Variants in FGF14 observed in about 807,000 individuals in gnomAD.
FGF14 encodes the protein fibroblast growth factor 14.
FGF14 carries 5 observed loss-of-function variants against 25.5 expected under a neutral mutation model. That is an observed-to-expected ratio of 0.20 (90% CI 0.10 to 0.41). FGF14 has a LOEUF of 0.41. FGF14 is among the 10% of genes least tolerant of loss of function. The pLI, the probability that FGF14 is intolerant of heterozygous loss-of-function variation, is 1.00. For synonymous variants in FGF14, 138 were observed against 118.3 expected (o/e 1.17, Z -1.08); for missense variants, 222 against 320.1 (o/e 0.69, Z 2.34).
At chr13:102,174,502 G>C (rs1342869141) in intron 1 of FGF14, among the ~76,000 whole-genome samples, 2 of 151,472 alleles carry the variant, frequency 1.3e-5, no homozygotes, top group African/African-American at 4.9e-5. Context: ...CTCAAACTGA[G>C]AACCAAATCA....
At chr13:102,235,206 T>C (rs1373102065) in intron 1 of FGF14, among the ~76,000 whole-genome samples, 1 of 152,248 alleles carries the variant, frequency 6.6e-6, no homozygotes, top group African/African-American at 2.4e-5. Context: ...GATCTATTTA[T>C]ATTTTTCTGT....
At chr13:102,200,875 G>A (rs1381539407) in intron 1 of FGF14, among the ~76,000 whole-genome samples, 1 of 151,928 alleles carries the variant, frequency 6.6e-6, no homozygotes, top group Non-Finnish European at 1.5e-5. Flanking sequence ...GGACAAGGCG[G>A]GCGGATCATG....
At chr13:101,805,590 G>T (rs2041150220) in intron 3 of FGF14, among the ~76,000 whole-genome samples, 1 of 152,134 alleles carries the variant, frequency 6.6e-6, no homozygotes, top group Non-Finnish European at 1.5e-5. Flanking sequence ...AGAAGTTAAA[G>T]ATTTGTATGC....
intron 1 of FGF14, among the ~76,000 whole-genome samples, chr13:102,163,396 C>T (rs1012319291): frequency 6.6e-6 from 1 of 152,120 alleles, no homozygotes; most frequent in Non-Finnish European, 1.5e-5. Flanking sequence ...CCAGCTGTGA[C>T]AGGCACCATA....
At chr13:102,145,254 A>C (rs2046807669) in intron 1 of FGF14, among the ~76,000 whole-genome samples, 1 of 152,150 alleles carries the variant, frequency 6.6e-6, no homozygotes, top group African/African-American at 2.4e-5. Context: ...GCAATGATTG[A>C]TTTAGAAATC....
At chr13:101,795,033 A>G (rs535824070) in intron 3 of FGF14, among the ~76,000 whole-genome samples, 32 of 152,160 alleles carry the variant, frequency 2.1e-4, no homozygotes, top group Non-Finnish European at 3.8e-4. Flanking sequence ...CATGTACATT[A>G]TTGTGTGCAA....
At position 102,326,729 on chromosome 13, in the gene FGF14, A is replaced by AGGAG. The variant is rs1566939090; in HGVS notation, c.208+74741_208+74742insCTCC. ...AAGGAAGGAAGGAAGGAAGGAAGGA[A>AGGAG]GGAAGGAAGGAAGGAAGGAAGGAAA... On this transcript the variant is annotated intron_variant, in intron 1 of 4. Transcript: ENST00000376131. 7.1e-5 allele frequency among the ~76,000 whole-genome samples: 8 copies of AGGAG among 112,240 alleles called. 1 individual carries two copies. The highest frequency in any genetic ancestry group is 1.3e-4 in the Non-Finnish European group (7 of 53,466). 73.6% of individuals were successfully genotyped at this position (112,240 alleles called of 152,430 possible).
chr13:101,739,004 G>A (rs1238837920), intron 3 of FGF14, among the ~76,000 whole-genome samples: 1 of 146,506 alleles, frequency 6.8e-6, no homozygotes, highest in Admixed American at 6.9e-5. Flanking sequence ...GTGTGTGTGT[G>A]TATATCTATC....
intron 1 of FGF14, among the ~76,000 whole-genome samples, chr13:102,145,263 T>C (rs1028585902): frequency 6.6e-6 from 1 of 152,150 alleles, no homozygotes; most frequent in Non-Finnish European, 1.5e-5. Flanking sequence ...GATTTAGAAA[T>C]CGGCATGAGA....
In FGF14 at chr13:101,985,227, T is replaced by C. The variant is rs888858229; in HGVS notation, c.209-109931A>G. ...TTTAACCCTGCATGGAAGCTTAAGG[T>C]ATGGAGGGAGCTGCCAATCCACTGG... is the stretch of plus-strand genomic sequence containing the variant. On this transcript the variant is annotated intron_variant, in intron 1 of 4. Transcript: ENST00000376131. Among the ~76,000 whole-genome samples the C allele has an allele frequency of 2.0e-5, 3 of 151,938 alleles. 1 individual carries two copies. The highest frequency in any genetic ancestry group is 2.1e-4 in the South Asian group (1 of 4,816).
At chr13:101,784,572 C>G (rs2140047846) in intron 3 of FGF14, among the ~76,000 whole-genome samples, 1 of 152,200 alleles carries the variant, frequency 6.6e-6, no homozygotes, top group African/African-American at 2.4e-5. Flanking sequence ...AGACTTTAGT[C>G]TTATGTAAAG....
intron 1 of FGF14, chr13:102,373,596 A>T (rs1363840519): frequency 6.6e-6 from 1 of 152,180 alleles, no homozygotes; most frequent in Non-Finnish European, 1.5e-5. Context: ...TTCAAAGAAG[A>T]TAATTCAAAT....
intron 1 of FGF14, among the ~76,000 whole-genome samples, chr13:102,349,320 C>T (rs1363657235): frequency 6.6e-6 from 1 of 152,172 alleles, no homozygotes; most frequent in African/African-American, 2.4e-5. Flanking sequence ...TAGTCAACTT[C>T]CCTTTATACC....
chr13:102,347,575 G>A (rs2057148078), intron 1 of FGF14, among the ~76,000 whole-genome samples: 1 of 152,156 alleles, frequency 6.6e-6, no homozygotes, highest in Non-Finnish European at 1.5e-5. Flanking sequence ...GGAAATCAAT[G>A]AAGCCCTCTC....
intron 3 of FGF14, among the ~76,000 whole-genome samples, chr13:101,789,965 T>C (rs2040138363): frequency 6.6e-6 from 1 of 151,774 alleles, no homozygotes. Flanking sequence ...AAATAATGTA[T>C]ACTGAAAGAG....
intron 1 of FGF14, among the ~76,000 whole-genome samples, chr13:102,143,688 TGATA>T (rs1378133778): frequency 6.6e-6 from 1 of 152,234 alleles, no homozygotes; most frequent in Admixed American, 6.5e-5. Flanking sequence ...TCTACTGACT[TGATA>T]GAGTCAAATT....
chr13:101,864,170 C>A (rs2044572274), intron 3 of FGF14, among the ~76,000 whole-genome samples: 1 of 151,990 alleles, frequency 6.6e-6, no homozygotes, highest in East Asian at 1.9e-4. Context: ...AGAGGTGATG[C>A]CAGCCCACAG....
rs2049139701 is a variant in FGF14 at position 102,191,926 on chromosome 13, A to G, written c.208+209545T>C. On this transcript the variant is annotated intron_variant, in intron 1 of 4. Transcript: ENST00000376131. ...AATTAAGAAAGAAGGAAGGAGAGAC[A>G]GGCCACAAGAATGTCTAAAACCAAC... Among the ~76,000 whole-genome samples, 3 of 152,246 alleles carry G rather than the reference A, an allele frequency of 2.0e-5. No individual in the cohort carries two copies. The South Asian group carries it at 6.2e-4, about 31-fold the overall frequency.
chr13:101,761,779 C>A (rs1408387072), intron 3 of FGF14, among the ~76,000 whole-genome samples: 1 of 152,114 alleles, frequency 6.6e-6, no homozygotes, highest in Non-Finnish European at 1.5e-5. Context: ...TTAAACATTA[C>A]AATTTATCAA....
Sources: gnomAD v4.1 joint callset for allele counts (sites outside exome capture counted in the v4.1 genomes callset) on GRCh38, gnomAD v4.1.1 for gene constraint, MANE v1.5 for transcripts, NCBI Gene and HGNC (gene_info 2026-07-23, HGNC 2026-07-21) for gene names.